RPF2: variants seen among roughly 807,000 people sequenced by gnomAD.
RPF2 encodes the protein brix domain containing 1.
In RPF2, 21 loss-of-function variants were observed where a neutral mutation model predicts 38.9. The observed-to-expected ratio is 0.54, with a 90% confidence interval of 0.38 to 0.78. The LOEUF is 0.78. Among genes scored for constraint, RPF2 ranks in the 30% least tolerant of loss-of-function variants. The pLI, the probability that RPF2 is intolerant of heterozygous loss-of-function variation, is 0.00. For synonymous variants in RPF2, 121 were observed against 126.2 expected, an observed-to-expected ratio of 0.96 and a Z score of 0.28; for missense variants, 314 against 358.1, an observed-to-expected ratio of 0.88 and a Z score of 0.99.
intron 4 of RPF2, among the ~76,000 whole-genome samples, chr6:110,996,156 C>G (rs1263512647): frequency 1.4e-5 from 2 of 145,954 alleles, no homozygotes; most frequent in African/African-American, 2.5e-5. Context: ...TAGTCTTGCT[C>G]TTATTGTCCA....
At chr6:110,994,748 C>T (rs1221044255) in intron 4 of RPF2, among the ~76,000 whole-genome samples, 23 of 112,424 alleles carry the variant, frequency 2.0e-4, no homozygotes, top group African/African-American at 5.7e-4. Context: ...CACACACACA[C>T]ACACACACAC....
At chr6:111,013,659 A>C (rs1254303154) in intron 7 of RPF2, among the ~76,000 whole-genome samples, 1 of 152,238 alleles carries the variant, frequency 6.6e-6, no homozygotes, top group Non-Finnish European at 1.5e-5. Context: ...AAGTTGTTTC[A>C]GAGCAGACTG....
At chr6:111,015,655 G>A in intron 7 of RPF2, 99 bp from the exon 8 acceptor site, 1 of 780,364 alleles carries the variant, frequency 1.3e-6, no homozygotes, top group South Asian at 1.6e-5. Flanking sequence ...TGCTTTTTTA[G>A]ATAAGTATTG....
intron 1 of RPF2, among the ~76,000 whole-genome samples, chr6:110,983,999 A>G (rs1771478910): frequency 6.6e-6 from 1 of 152,134 alleles, no homozygotes; most frequent in Non-Finnish European, 1.5e-5. Context: ...ACTGCACTCC[A>G]GCCTGGGCGA....
chr6:111,020,813 C>G (rs1772218648), intron 8 of RPF2, among the ~76,000 whole-genome samples: 1 of 152,064 alleles, frequency 6.6e-6, no homozygotes, highest in African/African-American at 2.4e-5. Flanking sequence ...GATCGCACCA[C>G]TGCACTCCAG....
chr6:110,982,187 G>C, intron 1 of RPF2, 58 bp downstream of exon 1: 1 of 1,581,320 alleles, frequency 6.3e-7, no homozygotes, highest in Non-Finnish European at 8.7e-7. Flanking sequence ...CCCGTGATGA[G>C]GGTGGTACTG....
intron 5 of RPF2, 55 bp downstream of exon 5, chr6:110,997,319 C>A: frequency 9.4e-7 from 1 of 1,065,978 alleles, no homozygotes; most frequent in Non-Finnish European, 1.4e-6. Flanking sequence ...TTGTTAGCAG[C>A]AGCGAATTCA....
chr6:111,004,499 A>G lies in RPF2; in HGVS notation c.394-3539A>G, dbSNP rs577824084. ...GCCCGGCCGTGACTAGTATTTTTAA[A>G]AAATGGAATAGAGTAAAAAATATCA... On this transcript the variant is annotated intron_variant, in intron 6 of 9. Coordinates refer to ENST00000441448, the MANE Select transcript of RPF2 (RefSeq NM_032194.3). 5.3e-5 allele frequency among the ~76,000 whole-genome samples: 8 copies of G among 152,060 alleles called. 1 individual carries two copies. The South Asian group carries it at 1.7e-3, about 32-fold the overall frequency.
At chr6:110,985,972 A>C (rs956632295) in intron 2 of RPF2, among the ~76,000 whole-genome samples, 1 of 151,590 alleles carries the variant, frequency 6.6e-6, no homozygotes, top group Non-Finnish European at 1.5e-5. Context: ...GGGGACCCCC[A>C]CACAGGGTAG....
chr6:111,022,785 A>C (rs1772256967), intron 8 of RPF2, among the ~76,000 whole-genome samples: 1 of 152,220 alleles, frequency 6.6e-6, no homozygotes, highest in African/African-American at 2.4e-5. Context: ...AATCTATCGG[A>C]TATGCCATGA....
At chr6:110,996,966 T>C (rs980059014) in intron 4 of RPF2, among the ~76,000 whole-genome samples, 1 of 152,138 alleles carries the variant, frequency 6.6e-6, no homozygotes, top group Non-Finnish European at 1.5e-5. Flanking sequence ...CACACCTGGC[T>C]GTCTTTTGTA....
At chr6:111,009,218 G>A (rs1771971760) in intron 7 of RPF2, among the ~76,000 whole-genome samples, 2 of 152,078 alleles carry the variant, frequency 1.3e-5, no homozygotes, top group South Asian at 4.1e-4. Context: ...ACCATGCCCA[G>A]CTTATTTTTG....
Position 110,991,752 on chromosome 6 carries a change from A to G in RPF2, c.200A>G (p.Asn67Ser). 1 of 1,213,676 alleles carries G rather than the reference A, an allele frequency of 8.2e-7. No homozygotes were observed. 75.2% of individuals were successfully genotyped at this position (1,213,676 alleles called of 1,614,324 possible). A position where few individuals can be genotyped will look rare whatever the true frequency, so the allele number is the denominator to read the frequency against. The change falls in exon 4 of 10, where the codon AAT (asparagine) becomes AGT (serine). Residue 67 changes from asparagine (N) to serine (S), a missense_variant. Coordinates refer to ENST00000441448, the MANE Select transcript of RPF2 (RefSeq NM_032194.3). ...KPYGVLYKKK[N>S]ITRPFEDQTS... ...CACTTTTTTGATATTCTTAGGAAAA[A>G]TATTACAAGACCTTTTGAGGATCAG... is the stretch of plus-strand genomic sequence containing the variant.
In RPF2 at chr6:110,982,142, G is replaced by A. The variant is rs1380984607; in HGVS notation, c.23+13G>A. 1.2e-6 allele frequency: 2 copies of A among 1,614,138 alleles called. No individual in the cohort carries two copies. The highest frequency in any genetic ancestry group is 1.7e-6 in the Non-Finnish European group (2 of 1,179,972). The stretch of plus-strand genomic sequence containing the variant: ...TGGATCGAGTAGTGTAAGTGCGCTG[G>A]GTCTCAGCCCCGGGGAGCGTTGGGG... On this transcript the variant is annotated intron_variant, in intron 1 of 9. Coordinates refer to ENST00000441448, the MANE Select transcript of RPF2 (RefSeq NM_032194.3).
intron 2 of RPF2, among the ~76,000 whole-genome samples, chr6:110,987,295 A>G (rs1771540771): frequency 6.6e-6 from 1 of 151,984 alleles, no homozygotes; most frequent in Admixed American, 6.6e-5. Flanking sequence ...CTGACCTGAC[A>G]TGATCTGTCC....
rs554820858 is a variant in RPF2 at position 110,997,914 on chromosome 6, TC to T, written c.316+652del. Among the ~76,000 whole-genome samples, 279 of 146,108 alleles carry T rather than the reference TC, an allele frequency of 1.9e-3. 8 individuals carry two copies. The highest frequency in any genetic ancestry group is 0.017 in the Admixed American group (250 of 14,718). Reference sequence around the variant, plus strand: ...TTCTTTTCTTCTTTTTTTTTTTTTTTCCTGAGACGGAGTCTTGGTCTGCTCC... The same window carrying T: ...TTCTTTTCTTCTTTTTTTTTTTTTTTCTGAGACGGAGTCTTGGTCTGCTCC... On this transcript the variant is annotated intron_variant, in intron 5 of 9. Transcript: ENST00000441448.
intron 5 of RPF2, among the ~76,000 whole-genome samples, chr6:110,997,809 G>C (rs769698767): frequency 6.6e-6 from 1 of 152,030 alleles, no homozygotes; most frequent in Non-Finnish European, 1.5e-5. Flanking sequence ...AGATTCATGT[G>C]TGCTGTTTGA....
chr6:111,025,414 G>T lies in RPF2; in HGVS notation c.753G>T (p.Lys251Asn). ...KMPKALKPKK[K>N]KNISHDTFGT... ...TTCTTTTATCGTAGCCAAAGAAGAA[G>T]AAAAATATTTCCCATGATACTTTTG... The change falls in exon 10 of 10, where the codon AAG (lysine) becomes AAT (asparagine). Residue 251 changes from lysine to asparagine, a missense_variant. Coordinates refer to ENST00000441448, the MANE Select transcript of RPF2 (RefSeq NM_032194.3). The T allele has an allele frequency of 1.9e-6, 3 of 1,600,968 alleles. No homozygotes were observed. The highest frequency in any genetic ancestry group is 2.6e-6 in the Non-Finnish European group (3 of 1,173,724).
At chr6:111,018,640 C>T (rs1406156751) in intron 8 of RPF2, among the ~76,000 whole-genome samples, 1 of 151,742 alleles carries the variant, frequency 6.6e-6, no homozygotes, top group Non-Finnish European at 1.5e-5. Flanking sequence ...AAATCAGAGA[C>T]ATTTAGTTCT....
Sources: gnomAD v4.1 joint callset for allele counts (sites outside exome capture counted in the v4.1 genomes callset) on GRCh38, gnomAD v4.1.1 for gene constraint, MANE v1.5 for transcripts, NCBI Gene and HGNC (gene_info 2026-07-23, HGNC 2026-07-21) for gene names.